Variants in TAFA1 observed in about 807,000 individuals in gnomAD.
TAFA1 encodes chemokine-like protein TAFA-1.
In TAFA1, 4 loss-of-function variants were observed where a neutral mutation model predicts 18.5. That is an observed-to-expected ratio of 0.22 (90% confidence interval 0.11 to 0.49). The LOEUF (loss-of-function observed/expected upper bound fraction) is 0.49, where lower values mean the gene tolerates loss of function less well. Ranked by LOEUF, TAFA1 falls within the 20% of genes least tolerant of loss-of-function variation. The pLI is 0.98. For synonymous variants in TAFA1, 56 were observed against 55.2 expected (o/e 1.01, Z -0.06); for missense variants, 147 against 169.0 (o/e 0.87, Z 0.72).
intron 3 of TAFA1, among the ~76,000 whole-genome samples, chr3:68,513,062 G>C (rs2072873061): frequency 6.6e-6 from 1 of 152,200 alleles, no homozygotes; most frequent in African/African-American, 2.4e-5. Flanking sequence ...AACATGATGT[G>C]ATTATCTGGA....
intron 2 of TAFA1, among the ~76,000 whole-genome samples, chr3:68,381,588 T>C (rs2069958613): frequency 6.6e-6 from 1 of 152,224 alleles, no homozygotes; most frequent in Non-Finnish European, 1.5e-5. Context: ...TATTGTTGTA[T>C]AAGAATGCTT....
chr3:68,422,943 A>C (rs1009569783), intron 3 of TAFA1, among the ~76,000 whole-genome samples: 1 of 151,996 alleles, frequency 6.6e-6, no homozygotes, highest in African/African-American at 2.4e-5. Flanking sequence ...TTAATTTCCA[A>C]GTTCTTCTCG....
At position 68,545,211 on chromosome 3, in the gene TAFA1, T is replaced by C. The variant is rs1056633980; in HGVS notation, c.*708T>C. The C allele has an allele frequency of 3.3e-5, 5 of 152,590 alleles. No individual in the cohort carries two copies. Among genetic ancestry groups the C allele is most frequent in the Admixed American group, 6.6e-5 (1 of 15,256 alleles). 9.5% of individuals were successfully genotyped at this position (152,590 alleles called of 1,614,324 possible). On this transcript the variant is annotated 3_prime_UTR_variant, in exon 5 of 5. Transcript: ENST00000478136. ...TTGATATATAATAACCGTTCTAACCTCTTCCAGGAAAATATTTTTAGAACT... is the reference window on the plus strand; with the variant it reads ...TTGATATATAATAACCGTTCTAACCCCTTCCAGGAAAATATTTTTAGAACT...
chr3:68,533,580 G>A (rs146377930), intron 3 of TAFA1, among the ~76,000 whole-genome samples: 4 of 152,240 alleles, frequency 2.6e-5, no homozygotes, highest in Non-Finnish European at 4.4e-5. Context: ...GTATGGATTC[G>A]CCTTGTGCTT....
intron 2 of TAFA1, among the ~76,000 whole-genome samples, chr3:68,318,156 G>C (rs2068636140): frequency 6.6e-6 from 1 of 152,146 alleles, no homozygotes; most frequent in African/African-American, 2.4e-5. Flanking sequence ...TTACATACAT[G>C]TACAGACATT....
chr3:68,426,802 T>G (rs988944748), intron 3 of TAFA1, among the ~76,000 whole-genome samples: 16 of 151,884 alleles, frequency 1.1e-4, no homozygotes, highest in African/African-American at 3.6e-4. Context: ...TGCAATGACT[T>G]TAGCAACATC....
intron 2 of TAFA1, among the ~76,000 whole-genome samples, chr3:68,379,116 C>T (rs991066512): frequency 1.3e-5 from 2 of 152,180 alleles, no homozygotes; most frequent in African/African-American, 2.4e-5. Context: ...AACAAATTTA[C>T]ACTCCCACCA....
At chr3:68,405,699 C>CCAAAAAAAAAAAA (rs1559655011) in intron 2 of TAFA1, among the ~76,000 whole-genome samples, 3 of 32,890 alleles carry the variant, frequency 9.1e-5, no homozygotes, top group Non-Finnish European at 2.3e-4. Context: ...GACTCTATCT[C>CCAAAAAAAAAAAA]AAAAAAAAAA....
intron 3 of TAFA1, among the ~76,000 whole-genome samples, chr3:68,521,992 A>T (rs1445203900): frequency 6.7e-6 from 1 of 149,648 alleles, no homozygotes; most frequent in Non-Finnish European, 1.5e-5. Context: ...ACAGGAGCAC[A>T]CCACCGAGCC....
intron 2 of TAFA1, among the ~76,000 whole-genome samples, chr3:68,322,520 T>C (rs2068711379): frequency 6.6e-6 from 1 of 152,122 alleles, no homozygotes; most frequent in South Asian, 2.1e-4. Context: ...CCCAACCAAG[T>C]TTAGACACGT....
At chr3:68,203,171 A>T (rs2066487578) in intron 2 of TAFA1, among the ~76,000 whole-genome samples, 2 of 151,646 alleles carry the variant, frequency 1.3e-5, no homozygotes, top group African/African-American at 4.8e-5. Flanking sequence ...TATAATTCTT[A>T]TCTTTGCTCC....
At chr3:68,272,405 A>T (rs2067692220) in intron 2 of TAFA1, among the ~76,000 whole-genome samples, 1 of 152,176 alleles carries the variant, frequency 6.6e-6, no homozygotes, top group African/African-American at 2.4e-5. Flanking sequence ...ATATGGGGTT[A>T]TGAGGATGAA....
intron 2 of TAFA1, among the ~76,000 whole-genome samples, chr3:68,105,417 GTTTTA>G (rs1396503971): frequency 6.6e-6 from 1 of 152,040 alleles, no homozygotes; most frequent in Non-Finnish European, 1.5e-5. Context: ...AAACAAACAT[GTTTTA>G]TTTTATTGTT....
At chr3:68,117,034 A>G (rs1210970955) in intron 2 of TAFA1, among the ~76,000 whole-genome samples, 5 of 152,206 alleles carry the variant, frequency 3.3e-5, no homozygotes, top group African/African-American at 4.8e-5. Context: ...TGGGCTCTCT[A>G]CATGTGTTGA....
intron 2 of TAFA1, among the ~76,000 whole-genome samples, chr3:68,198,981 T>C (rs2066443741): frequency 6.6e-6 from 1 of 151,534 alleles, no homozygotes; most frequent in South Asian, 2.1e-4. Context: ...TATGTTATCT[T>C]CTAGGATTTT....
chr3:68,300,649 C>G (rs2068287737), intron 2 of TAFA1, among the ~76,000 whole-genome samples: 1 of 152,054 alleles, frequency 6.6e-6, no homozygotes, highest in Non-Finnish European at 1.5e-5. Context: ...GGTTTGGCTG[C>G]CTCTCCACCC....
Position 68,463,184 on chromosome 3 carries a change from T to C in TAFA1, c.259+45764T>C, listed in dbSNP as rs982979651. On this transcript the variant is annotated intron_variant, in intron 3 of 4. Transcript: ENST00000478136. Reference sequence around the variant, plus strand: ...ATAGATTTCTATCCAAGTTGACACATTGATAGAGTCAGCCAGTAAATTAAC... The same window carrying C: ...ATAGATTTCTATCCAAGTTGACACACTGATAGAGTCAGCCAGTAAATTAAC... 2.0e-5 allele frequency among the ~76,000 whole-genome samples: 3 copies of C among 152,302 alleles called. No individual in the cohort carries two copies. The South Asian group carries it at 6.2e-4, about 32-fold the overall frequency.
chr3:68,290,829 ATTAC>A (rs2068091439), intron 2 of TAFA1, among the ~76,000 whole-genome samples: 1 of 152,088 alleles, frequency 6.6e-6, no homozygotes, highest in Non-Finnish European at 1.5e-5. Context: ...TTAAAAAGAA[ATTAC>A]TTGTTATCAA....
intron 3 of TAFA1, among the ~76,000 whole-genome samples, chr3:68,430,856 T>A (rs2071156435): frequency 6.6e-6 from 1 of 151,988 alleles, no homozygotes; most frequent in Admixed American, 6.6e-5. Context: ...AAATTTTAAA[T>A]CACTGTTCTT....
Sources: allele counts gnomAD v4.1 joint callset (sites outside exome capture counted in the v4.1 genomes callset), GRCh38; gene constraint gnomAD v4.1.1; transcripts MANE v1.5; gene names NCBI Gene and HGNC (gene_info 2026-07-23, HGNC 2026-07-21).